The following CCAR1 variants were observed in gnomAD, a reference collection of about 807,000 sequenced individuals.
CCAR1 encodes the protein cell division cycle and apoptosis regulator protein 1.
In CCAR1, 78 loss-of-function variants were observed where a neutral mutation model predicts 163.8. The ratio of observed to expected loss-of-function variants is 0.48; its 90% CI spans 0.40 to 0.57. The LOEUF is 0.57. Ranked by LOEUF, CCAR1 falls within the 20% of genes least tolerant of loss-of-function variation. The probability of loss-of-function intolerance (pLI) is 0.00; values close to 1 mark genes in which losing one functional copy is unlikely to be tolerated. For missense variants in CCAR1, 1,019 were observed against 1,365.2 expected (o/e 0.75, Z 4.00); for synonymous variants, 443 against 460.7 (o/e 0.96, Z 0.49).
At position 68,772,900 on chromosome 10, in the gene CCAR1, C is replaced by T; in HGVS notation, c.2539-88C>T. 11 of 611,490 alleles carry T rather than the reference C, an allele frequency of 1.8e-5. No individual in the cohort carries two copies. In the South Asian group the frequency reaches 2.6e-4, roughly 14 times the overall value. The allele number at this position is 611,490 out of a possible 1,614,324, so 37.9% of individuals were successfully genotyped here. On this transcript the variant is annotated intron_variant, in intron 18 of 24. Transcript: ENST00000265872. ...CCCAGGCCAGTGGATCGCTTGAGCC[C>T]ACGGGTTGGAGACCAGCGTGGGCAA...
intron 21 of CCAR1, 155 bp downstream of exon 21, chr10:68,786,847 G>T: frequency 1.8e-6 from 1 of 558,282 alleles, no homozygotes; most frequent in Non-Finnish European, 3.0e-6. Context: ...CAGGTTGGGA[G>T]GCTGAGGCGG....
chr10:68,774,457 G>C (rs932578253), intron 19 of CCAR1, among the ~76,000 whole-genome samples: 1 of 151,978 alleles, frequency 6.6e-6, no homozygotes, highest in African/African-American at 2.4e-5. Context: ...GGTCAACATG[G>C]TGAAACCCCA....
At position 68,765,919 on chromosome 10, in the gene CCAR1, A is replaced by T; in HGVS notation, c.2138A>T (p.Glu713Val). 6.2e-7 allele frequency: 1 copy of T among 1,613,334 alleles called. No individual in the cohort carries two copies. Among genetic ancestry groups the T allele is most frequent in the Non-Finnish European group, 8.5e-7 (1 of 1,179,816 alleles). ...EEERKRQEEI[E>V]RQRRERRYIL... ...GAAAGGAAACGTCAAGAGGAAATAGAACGCCAGCGTCGAGAAAGAAGATAT... is the reference window on the plus strand; with the variant it reads ...GAAAGGAAACGTCAAGAGGAAATAGTACGCCAGCGTCGAGAAAGAAGATAT... The change falls in exon 17 of 25, where the codon GAA (glutamate) becomes GTA (valine). Residue 713 changes from glutamate (E) to valine (V), a missense_variant. Transcript: ENST00000265872.
chr10:68,740,334 G>C (rs2056166617), intron 4 of CCAR1, among the ~76,000 whole-genome samples: 1 of 152,092 alleles, frequency 6.6e-6, no homozygotes, highest in African/African-American at 2.4e-5. Flanking sequence ...ACAGTTGTAG[G>C]AAACTTTATA....
chr10:68,749,811 A>T, intron 10 of CCAR1, 126 bp downstream of exon 10: 1 of 764,380 alleles, frequency 1.3e-6, no homozygotes, highest in Non-Finnish European at 2.1e-6. Flanking sequence ...ATATAAGGGC[A>T]GAAATGCAAT....
intron 6 of CCAR1, among the ~76,000 whole-genome samples, chr10:68,743,813 C>T (rs1176626775): frequency 6.6e-6 from 1 of 152,116 alleles, no homozygotes; most frequent in African/African-American, 2.4e-5. Flanking sequence ...TGCAGTGGTG[C>T]GATCTCAGTT....
chr10:68,745,425 T>C (rs2056240179), intron 6 of CCAR1, among the ~76,000 whole-genome samples: 1 of 151,162 alleles, frequency 6.6e-6, no homozygotes. Flanking sequence ...CTTCAGCCTC[T>C]GAAGTAGCTG....
chr10:68,785,251 C>T (rs1421758988), intron 19 of CCAR1, among the ~76,000 whole-genome samples: 11 of 146,506 alleles, frequency 7.5e-5, no homozygotes, highest in Admixed American at 2.1e-4. Context: ...GACAGGGTCT[C>T]GCTTTGTTTT....
chr10:68,741,526 A>G (rs2056184348), intron 5 of CCAR1, among the ~76,000 whole-genome samples: 1 of 152,186 alleles, frequency 6.6e-6, no homozygotes, highest in African/African-American at 2.4e-5. Flanking sequence ...TCTTTGGCCC[A>G]TGGGTCATAG....
chr10:68,744,835 T>G (rs2056231074), intron 6 of CCAR1, among the ~76,000 whole-genome samples: 1 of 147,896 alleles, frequency 6.8e-6, no homozygotes, highest in South Asian at 2.1e-4. Flanking sequence ...ACTTAACTCT[T>G]TTTTTTTTTT....
At chr10:68,761,264 G>A in intron 16 of CCAR1, 72 bp downstream of exon 16, 1 of 719,214 alleles carries the variant, frequency 1.4e-6, no homozygotes, top group Non-Finnish European at 2.1e-6. Flanking sequence ...GAATACGTGA[G>A]TTAAGATTAT....
intron 4 of CCAR1, 99 bp from the exon 5 acceptor site, chr10:68,740,530 G>A: frequency 1.0e-6 from 1 of 990,712 alleles, no homozygotes; most frequent in Non-Finnish European, 1.6e-6. Context: ...ATAAAAATAA[G>A]TAGAATAACT....
rs1414462699 is a variant in CCAR1 at position 68,754,007 on chromosome 10, A to T, written c.1274A>T (p.Glu425Val). The change falls in exon 11 of 25, where the codon GAA (glutamate) becomes GTA (valine). Residue 425 changes from glutamate to valine, a missense_variant. Around this residue, in one of 4 missense-constraint regions of CCAR1, gnomAD observed 644 missense variants for 904.4 expected, o/e 0.71. Coordinates refer to ENST00000265872, the MANE Select transcript of CCAR1 (RefSeq NM_018237.4). ...NYCNFYVMHR[E>V]VESLEKNMAI... ...TGCAATTTTTATGTAATGCACAGAG[A>T]AGTAGAGTCCTTAGAAAAAAATATG... is the stretch of plus-strand genomic sequence containing the variant. 1 of 1,613,972 alleles carries T rather than the reference A, an allele frequency of 6.2e-7. No individual in the cohort carries two copies. The highest frequency in any genetic ancestry group is 1.1e-5 in the South Asian group (1 of 91,082).
intron 21 of CCAR1, among the ~76,000 whole-genome samples, chr10:68,787,612 G>T (rs538263498): frequency 1.3e-5 from 2 of 152,182 alleles, no homozygotes; most frequent in East Asian, 3.9e-4. Flanking sequence ...GAGGAGGGTG[G>T]ATCACCTGAG....
chr10:68,726,192 C>T (rs1017967772), intron 2 of CCAR1, among the ~76,000 whole-genome samples: 4 of 145,388 alleles, frequency 2.8e-5, no homozygotes, highest in African/African-American at 7.6e-5. Context: ...CGCTCTGTTG[C>T]CCAGGCTGGA....
At chr10:68,746,271 T>C (rs2056253426) in intron 6 of CCAR1, among the ~76,000 whole-genome samples, 1 of 144,376 alleles carries the variant, frequency 6.9e-6, no homozygotes, top group Non-Finnish European at 1.5e-5. Context: ...GCGCCCAGCC[T>C]CTTTTTTTAT....
Position 68,738,596 on chromosome 10 carries a change from A to T in CCAR1, c.291+707A>T, listed in dbSNP as rs536226477. Among the ~76,000 whole-genome samples the T allele has an allele frequency of 6.1e-3, 925 of 150,916 alleles. 7 individuals carry two copies. The highest frequency in any genetic ancestry group is 0.021 in the African/African-American group (878 of 41,090). On this transcript the variant is annotated intron_variant, in intron 4 of 24. Coordinates refer to ENST00000265872, the MANE Select transcript of CCAR1 (RefSeq NM_018237.4). ...TAAACCTTATAGGCTTTCAGCTTTT[A>T]TTTTTTTTTCTTTATTTTTTATTTT...
At chr10:68,742,644 G>A (rs2056197302) in intron 6 of CCAR1, 75 bp downstream of exon 6, 5 of 1,176,792 alleles carry the variant, frequency 4.2e-6, no homozygotes, top group Admixed American at 3.6e-5. Context: ...GGCAGAAATT[G>A]TATGTAGCCC....
At chr10:68,728,253 T>C (rs890767445) in intron 2 of CCAR1, among the ~76,000 whole-genome samples, 3 of 152,168 alleles carry the variant, frequency 2.0e-5, no homozygotes, top group African/African-American at 7.2e-5. Context: ...TTCAGACCTA[T>C]TGTCACCCAT....
Sources: gnomAD v4.1 joint callset for allele counts (sites outside exome capture counted in the v4.1 genomes callset) on GRCh38, gnomAD v4.1.1 for gene constraint, gnomAD v4.1.1 regional missense constraint, MANE v1.5 for transcripts, NCBI Gene and HGNC (gene_info 2026-07-23, HGNC 2026-07-21) for gene names.